The following MEMO1 variants were observed in gnomAD, a reference collection of about 807,000 sequenced individuals.
MEMO1 encodes mediator of cell motility 1.
In MEMO1, 6 loss-of-function variants were observed where a neutral mutation model predicts 45.2. The observed-to-expected ratio is 0.13, with a 90% CI of 0.07 to 0.26. The LOEUF (loss-of-function observed/expected upper bound fraction) is 0.26. Among genes scored for constraint, MEMO1 ranks in the 10% least tolerant of loss-of-function variants. MEMO1 has a pLI of 1.00. For missense variants in MEMO1, 184 were observed against 370.5 expected (o/e 0.50, Z 4.13); for synonymous variants, 78 against 124.3 (o/e 0.63, Z 2.48).
intron 1 of MEMO1, among the ~76,000 whole-genome samples, chr2:32,010,719 C>G (rs1219989178): frequency 6.7e-6 from 1 of 150,156 alleles, no homozygotes; most frequent in Admixed American, 6.6e-5. Context: ...CCCCCACCCC[C>G]GGCAGGGCCC....
At chr2:31,924,538 T>C (rs566110350) in intron 4 of MEMO1, among the ~76,000 whole-genome samples, 4 of 152,064 alleles carry the variant, frequency 2.6e-5, no homozygotes, top group East Asian at 3.9e-4. Flanking sequence ...TCATATATAA[T>C]AGCTATAATA....
chr2:31,961,023 A>AT (rs1667949497), intron 2 of MEMO1, among the ~76,000 whole-genome samples: 1 of 152,184 alleles, frequency 6.6e-6, no homozygotes, highest in South Asian at 2.1e-4. Context: ...AAAGCATATT[A>AT]TTTTCAGCTA....
intron 2 of MEMO1, among the ~76,000 whole-genome samples, chr2:31,971,707 C>T (rs1259577704): frequency 1.3e-5 from 2 of 152,214 alleles, no homozygotes; most frequent in African/African-American, 4.8e-5. Flanking sequence ...AGGTGGCTCA[C>T]GCCAGTAATC....
At chr2:32,000,280 A>G (rs1344790625) in intron 2 of MEMO1, among the ~76,000 whole-genome samples, 4 of 150,558 alleles carry the variant, frequency 2.7e-5, no homozygotes, top group African/African-American at 9.8e-5. Flanking sequence ...CCCAGACTGG[A>G]GTGCAGTGGT....
rs1420249791 is a variant in MEMO1, at chr2:31,912,160, C to T, written c.437+5766G>A. 2.0e-5 allele frequency among the ~76,000 whole-genome samples: 3 copies of T among 151,974 alleles called. No individual in the cohort carries two copies. The South Asian group carries it at 6.2e-4, about 32-fold the overall frequency. On this transcript the variant is annotated intron_variant, in intron 6 of 9. Coordinates refer to ENST00000404530, the MANE Select transcript of MEMO1 (RefSeq NM_001301833.4). ...GACCAGCCTGGTCAACAGGGTGAAA[C>T]CCTGTCTCTACTAAAAATACAAAAA...
At chr2:31,916,292 A>C (rs1046895655) in intron 6 of MEMO1, among the ~76,000 whole-genome samples, 7 of 152,006 alleles carry the variant, frequency 4.6e-5, no homozygotes, top group African/African-American at 1.7e-4. Context: ...GCAGTGCCAT[A>C]ATCTCGGCTC....
At chr2:31,993,634 C>T (rs1293809563) in intron 2 of MEMO1, among the ~76,000 whole-genome samples, 1 of 152,164 alleles carries the variant, frequency 6.6e-6, no homozygotes, top group African/African-American at 2.4e-5. Context: ...TGGTTTAATA[C>T]CACAACCTGC....
intron 2 of MEMO1, among the ~76,000 whole-genome samples, chr2:32,006,005 T>C (rs1186297987): frequency 1.3e-5 from 2 of 152,182 alleles, no homozygotes; most frequent in Non-Finnish European, 2.9e-5. Context: ...AGGGACCAGT[T>C]TGTGCAAGAG....
intron 8 of MEMO1, among the ~76,000 whole-genome samples, chr2:31,873,726 T>C (rs552455749): frequency 6.6e-6 from 1 of 152,188 alleles, no homozygotes; most frequent in African/African-American, 2.4e-5. Context: ...AATCATTAGA[T>C]TTGTGGGTTT....
At position 31,878,444 on chromosome 2, in the gene MEMO1, G is replaced by A. The variant is rs571496977; in HGVS notation, c.657+4942C>T. 1.2e-3 allele frequency among the ~76,000 whole-genome samples: 180 copies of A among 152,120 alleles called. 1 individual carries two copies. Among genetic ancestry groups the A allele is most frequent in the Non-Finnish European group, 2.4e-3 (160 of 68,002 alleles). ...AGCCACCTGAGACTGAAGAATACCA[G>A]GGTAGGTCTAAGAAGACCAGTTAGG... On this transcript the variant is annotated intron_variant, in intron 8 of 9. Transcript: ENST00000404530.
At chr2:31,914,728 A>C (rs1681157269) in intron 6 of MEMO1, among the ~76,000 whole-genome samples, 1 of 152,132 alleles carries the variant, frequency 6.6e-6, no homozygotes, top group Non-Finnish European at 1.5e-5. Flanking sequence ...CTGAAGTAAG[A>C]AGCTCACTTG....
chr2:31,917,621 G>C (rs983722571), intron 6 of MEMO1, among the ~76,000 whole-genome samples: 5 of 152,150 alleles, frequency 3.3e-5, no homozygotes, highest in African/African-American at 4.8e-5. Flanking sequence ...ATTATTCTGA[G>C]ATAAAGAAAT....
intron 4 of MEMO1, among the ~76,000 whole-genome samples, chr2:31,926,377 A>G (rs370154633): frequency 3.6e-4 from 1 of 2,742 alleles, no homozygotes; most frequent in Non-Finnish European, 1.1e-3. Context: ...CTCAAAAGGG[A>G]AAAAAAAAAA....
chr2:31,895,481 T>C (rs1677629045), intron 6 of MEMO1, among the ~76,000 whole-genome samples: 2 of 152,038 alleles, frequency 1.3e-5, no homozygotes, highest in South Asian at 4.2e-4. Context: ...GTAACCGAAA[T>C]AAAAAATTCA....
intron 2 of MEMO1, among the ~76,000 whole-genome samples, chr2:31,965,012 G>C (rs1439840567): frequency 1.3e-5 from 2 of 151,998 alleles, no homozygotes; most frequent in African/African-American, 2.4e-5. Flanking sequence ...TCAGGAATTT[G>C]AGACGAGTCT....
intron 2 of MEMO1, among the ~76,000 whole-genome samples, chr2:31,950,647 G>T (rs943636259): frequency 2.6e-5 from 4 of 151,430 alleles, no homozygotes; most frequent in African/African-American, 9.7e-5. Flanking sequence ...CTTGAACCTG[G>T]GAAGCGGAGG....
intron 6 of MEMO1, among the ~76,000 whole-genome samples, chr2:31,899,516 C>A (rs1448875408): frequency 2.6e-5 from 4 of 152,186 alleles, no homozygotes; most frequent in African/African-American, 9.7e-5. Context: ...CTTCCTTACA[C>A]CTTATACAAA....
chr2:31,911,159 C>T (rs1003221053), intron 6 of MEMO1, among the ~76,000 whole-genome samples: 3 of 151,990 alleles, frequency 2.0e-5, no homozygotes, highest in Admixed American at 6.6e-5. Context: ...TATGGTACAT[C>T]CACAAAATGA....
chr2:31,976,318 C>T (rs574261842), intron 2 of MEMO1, among the ~76,000 whole-genome samples: 1 of 152,254 alleles, frequency 6.6e-6, no homozygotes, highest in East Asian at 1.9e-4. Flanking sequence ...TGGCTCACAC[C>T]TGTAATCCCA....
Sources: allele counts gnomAD v4.1 joint callset (sites outside exome capture counted in the v4.1 genomes callset), GRCh38; gene constraint gnomAD v4.1.1; transcripts MANE v1.5; gene names NCBI Gene and HGNC (gene_info 2026-07-23, HGNC 2026-07-21).